The following FAXC variants were observed in gnomAD, a reference collection of about 807,000 sequenced individuals.
FAXC encodes the protein failed axon connections homolog.
Under a neutral mutation model 41.9 loss-of-function variants are expected in FAXC, and 10 were observed. That is an observed-to-expected ratio of 0.24 (90% CI 0.15 to 0.41). The LOEUF is 0.41. Among genes scored for constraint, FAXC ranks in the 10% least tolerant of loss-of-function variants. The pLI is 1.00. For synonymous variants in FAXC, 183 were observed against 183.8 expected (o/e 1.00, Z 0.03); for missense variants, 399 against 510.9 (o/e 0.78, Z 2.11).
At chr6:99,305,494 C>T (rs1414688629) in intron 4 of FAXC, among the ~76,000 whole-genome samples, 2 of 152,010 alleles carry the variant, frequency 1.3e-5, no homozygotes, top group Non-Finnish European at 2.9e-5. Flanking sequence ...CTACAATGTA[C>T]CTCAGTTTCC....
intron 4 of FAXC, 25 bp from the exon 5 acceptor site, chr6:99,291,845 C>G (rs753915907): frequency 2.6e-6 from 4 of 1,562,254 alleles, no homozygotes; most frequent in Non-Finnish European, 3.5e-6. Context: ...GCAGAGAAGT[C>G]AATGGGCTGG....
intron 1 of FAXC, among the ~76,000 whole-genome samples, chr6:99,343,434 T>C (rs1339711159): frequency 1.3e-5 from 2 of 152,242 alleles, no homozygotes; most frequent in African/African-American, 4.8e-5. Flanking sequence ...GTGCTTGCTG[T>C]GTGTCACACA....
Position 99,279,517 on chromosome 6 carries a change from A to C in FAXC, c.*1647T>G, listed in dbSNP as rs924252721. ...ATTTCTCAGAAGTTGCTGTATTTTA[A>C]GAAGTGCCTCTTTAACCCCATAATG... is the stretch of plus-strand genomic sequence containing the variant. On this transcript the variant is annotated 3_prime_UTR_variant, in exon 6 of 6. Coordinates refer to ENST00000389677, the MANE Select transcript of FAXC (RefSeq NM_032511.4). The C allele has an allele frequency of 6.6e-6, 1 of 151,882 alleles. No individual in the cohort carries two copies. The highest frequency in any genetic ancestry group is 2.4e-5 in the African/African-American group (1 of 41,364). 9.4% of individuals were successfully genotyped at this position (151,882 alleles called of 1,614,324 possible).
intron 4 of FAXC, among the ~76,000 whole-genome samples, chr6:99,313,895 C>A (rs1772237404): frequency 6.6e-6 from 1 of 152,186 alleles, no homozygotes; most frequent in African/African-American, 2.4e-5. Flanking sequence ...TCAAACTCAG[C>A]ATACCCACAC....
chr6:99,349,572 C>T lies in FAXC; in HGVS notation c.-200G>A. The T allele has an allele frequency of 4.6e-6, 1 of 216,350 alleles. No homozygotes were observed. The highest frequency in any genetic ancestry group is 7.9e-6 in the Non-Finnish European group (1 of 126,306). The allele number at this position is 216,350 out of a possible 1,614,324, so 13.4% of individuals were successfully genotyped here. A position where few individuals can be genotyped will look rare whatever the true frequency, so the allele number is the denominator to read the frequency against. ...AGGGCACTGGCCGCGGACGGCGGGC[C>T]TGGCCGGCGGGGCCCCAGAGCCCTG... is the stretch of plus-strand genomic sequence containing the variant. On this transcript the variant is annotated 5_prime_UTR_variant, in exon 1 of 6. Transcript: ENST00000389677.
chr6:99,279,378 T>G lies in FAXC; in HGVS notation c.*1786A>C, dbSNP rs556539264. The stretch of plus-strand genomic sequence containing the variant: ...ACACAATTGCTTAAGTGGTAAGCAG[T>G]CTGAAAAACTCTCCTCCCTTTACCT... On this transcript the variant is annotated 3_prime_UTR_variant, in exon 6 of 6. Transcript: ENST00000389677. 4 of 152,276 alleles carry G rather than the reference T, an allele frequency of 2.6e-5. No individual in the cohort carries two copies. Among genetic ancestry groups the G allele is most frequent in the African/African-American group, 9.6e-5 (4 of 41,560 alleles). The allele number at this position is 152,276 out of a possible 1,614,324, so 9.4% of individuals were successfully genotyped here.
chr6:99,336,520 A>C (rs1307713607), intron 2 of FAXC, among the ~76,000 whole-genome samples: 1 of 152,240 alleles, frequency 6.6e-6, no homozygotes, highest in African/African-American at 2.4e-5. Flanking sequence ...AATTTTGAGA[A>C]GATAAAGAGG....
intron 4 of FAXC, among the ~76,000 whole-genome samples, chr6:99,320,003 T>C (rs1354840663): frequency 2.0e-5 from 3 of 152,194 alleles, no homozygotes; most frequent in Non-Finnish European, 2.9e-5. Flanking sequence ...TATATTTCTT[T>C]CATGTTGTAC....
Position 99,323,577 on chromosome 6 carries a change from C to T in FAXC, c.690G>A (p.Leu230=). 6.2e-7 allele frequency: 1 copy of T among 1,614,248 alleles called. No homozygotes were observed. The highest frequency in any genetic ancestry group is 8.5e-7 in the Non-Finnish European group (1 of 1,180,040). The change falls in exon 4 of 6, where the codon CTG becomes CTA. Residue 230 remains leucine (L), a synonymous_variant. Transcript: ENST00000389677. ...LSGGGPFSNL[L]RWVVCHITKG... ...TCGTTATGTGGCACACAACCCACCT[C>T]AGCAGGTTGCTGAAGGGACCACCAC...
At chr6:99,307,278 G>A (rs1025793865) in intron 4 of FAXC, among the ~76,000 whole-genome samples, 55 of 152,294 alleles carry the variant, frequency 3.6e-4, no homozygotes, top group Non-Finnish European at 5.9e-4. Flanking sequence ...TGTGTGAAGG[G>A]AAAGCAGGAG....
intron 3 of FAXC, among the ~76,000 whole-genome samples, chr6:99,324,983 G>A (rs9402672): frequency 0.049 from 7,438 of 152,088 alleles, 548 homozygotes; most frequent in East Asian, 0.39. Context: ...AGAGTTTGAG[G>A]CCAACCTGGG....
At chr6:99,328,796 A>G (rs74779926) in intron 3 of FAXC, among the ~76,000 whole-genome samples, 3 of 152,158 alleles carry the variant, frequency 2.0e-5, no homozygotes, top group Non-Finnish European at 4.4e-5. Flanking sequence ...CAAAGCCTTG[A>G]TGTCTGCCTC....
intron 2 of FAXC, among the ~76,000 whole-genome samples, chr6:99,335,989 A>G (rs1773202493): frequency 6.6e-6 from 1 of 152,232 alleles, no homozygotes; most frequent in African/African-American, 2.4e-5. Flanking sequence ...CAAACATGTC[A>G]CAAGTAATTG....
At chr6:99,292,824 T>G (rs1446290855) in intron 4 of FAXC, among the ~76,000 whole-genome samples, 1 of 152,200 alleles carries the variant, frequency 6.6e-6, no homozygotes, top group East Asian at 1.9e-4. Flanking sequence ...AAGACTTTTT[T>G]TTGAGACAGT....
In FAXC at chr6:99,277,753, C is replaced by T. The variant is rs1770683442; in HGVS notation, c.*3411G>A. On this transcript the variant is annotated 3_prime_UTR_variant, in exon 6 of 6. Coordinates refer to ENST00000389677, the MANE Select transcript of FAXC (RefSeq NM_032511.4). ...AGCCACAGTGGTATAATGGAAAGAACCATCAAGGGCAAGGTGGTATAATAG... is the reference window on the plus strand; with the variant it reads ...AGCCACAGTGGTATAATGGAAAGAATCATCAAGGGCAAGGTGGTATAATAG... 1 of 152,052 alleles carries T rather than the reference C, an allele frequency of 6.6e-6. No homozygotes were observed. Among genetic ancestry groups the T allele is most frequent in the Admixed American group, 6.6e-5 (1 of 15,258 alleles). The allele number at this position is 152,052 out of a possible 1,614,324, so 9.4% of individuals were successfully genotyped here.
At chr6:99,323,179 C>T (rs1772652651) in intron 4 of FAXC, among the ~76,000 whole-genome samples, 1 of 152,198 alleles carries the variant, frequency 6.6e-6, no homozygotes, top group African/African-American at 2.4e-5. Flanking sequence ...GCATCACTTG[C>T]AGCCAGGTGG....
rs1309466639 is a variant in FAXC at position 99,278,373 on chromosome 6, T to C, written c.*2791A>G. ...CAGGAAAAAAAGAACGAATAGCCTA[T>C]GGGTCTGTTGTCCAACCAAAAGCAT... On this transcript the variant is annotated 3_prime_UTR_variant, in exon 6 of 6. Transcript: ENST00000389677. 1 of 152,222 alleles carries C rather than the reference T, an allele frequency of 6.6e-6. No homozygotes were observed. The highest frequency in any genetic ancestry group is 2.4e-5 in the African/African-American group (1 of 41,452). 9.4% of individuals were successfully genotyped at this position (152,222 alleles called of 1,614,324 possible). A position where few individuals can be genotyped will look rare whatever the true frequency, so the allele number is the denominator to read the frequency against.
Position 99,344,244 on chromosome 6 carries a change from T to C in FAXC, c.267-1211A>G, listed in dbSNP as rs374460744. ...CCCCATCCAAAGAGATATGGTCTCA[T>C]CCCTGCAAGCTCATCATTCCACACA... On this transcript the variant is annotated intron_variant, in intron 1 of 5. Transcript: ENST00000389677. Among the ~76,000 whole-genome samples, 468 of 152,316 alleles carry C rather than the reference T, an allele frequency of 3.1e-3. 3 individuals carry two copies. The highest frequency in any genetic ancestry group is 0.01 in the Middle Eastern group (3 of 294).
chr6:99,335,417 A>G (rs1313555550), intron 2 of FAXC, among the ~76,000 whole-genome samples: 3 of 152,230 alleles, frequency 2.0e-5, no homozygotes, highest in Admixed American at 6.5e-5. Context: ...ACATGCTCAC[A>G]GGCACGTTCC....
Sources: allele counts gnomAD v4.1 joint callset (sites outside exome capture counted in the v4.1 genomes callset), GRCh38; gene constraint gnomAD v4.1.1; transcripts MANE v1.5; gene names NCBI Gene and HGNC (gene_info 2026-07-23, HGNC 2026-07-21).